FUT8: variants seen among roughly 807,000 people sequenced by gnomAD.
FUT8 encodes fucosyltransferase 8, also known as alpha-(1,6)-fucosyltransferase.
Under a neutral mutation model 71.3 loss-of-function variants are expected in FUT8, and 29 were observed. The observed-to-expected ratio is 0.41, with a 90% CI of 0.30 to 0.55. The LOEUF is 0.55. FUT8 is among the 20% of genes least tolerant of loss of function. The pLI, the probability that FUT8 is intolerant of heterozygous loss-of-function variation, is 0.34. For synonymous variants in FUT8, 254 were observed against 239.3 expected (o/e 1.06, Z -0.57); for missense variants, 544 against 702.1 (o/e 0.77, Z 2.55).
At chr14:65,433,213 T>A (rs1032396012) in intron 1 of FUT8, among the ~76,000 whole-genome samples, 1 of 148,130 alleles carries the variant, frequency 6.8e-6, no homozygotes, top group African/African-American at 2.6e-5. Flanking sequence ...TTCTGTTTCA[T>A]TTTTTTTTGA....
At chr14:65,727,151 G>T (rs1392202964) in intron 9 of FUT8, among the ~76,000 whole-genome samples, 1 of 152,164 alleles carries the variant, frequency 6.6e-6, no homozygotes, top group Non-Finnish European at 1.5e-5. Flanking sequence ...TTTTCCAGGT[G>T]CATGGTGCAA....
Position 65,513,644 on chromosome 14 carries a change from C to A in FUT8, c.-227-47693C>A, listed in dbSNP as rs117212804. On this transcript the variant is annotated intron_variant, in intron 2 of 10. Transcript: ENST00000673929. ...TCTCTGTAGAATATAAAAACAAAATCAAAAACAAAACAAAAAATCGATCAA... is the reference window on the plus strand; with the variant it reads ...TCTCTGTAGAATATAAAAACAAAATAAAAAACAAAACAAAAAATCGATCAA... Among the ~76,000 whole-genome samples, 875 of 80,158 alleles carry A rather than the reference C, an allele frequency of 0.011. 30 individuals carry two copies. The East Asian group carries it at 0.24, about 22-fold the overall frequency. The allele number at this position is 80,158 out of a possible 152,430, so 52.6% of individuals were successfully genotyped here.
intron 7 of FUT8, among the ~76,000 whole-genome samples, chr14:65,706,842 T>C (rs903210657): frequency 6.6e-6 from 1 of 152,136 alleles, no homozygotes; most frequent in Non-Finnish European, 1.5e-5. Flanking sequence ...GACCATAGCA[T>C]GGAGACAGAC....
chr14:65,528,559 C>T (rs898121428), intron 2 of FUT8, among the ~76,000 whole-genome samples: 1 of 152,196 alleles, frequency 6.6e-6, no homozygotes, highest in Non-Finnish European at 1.5e-5. Context: ...CACTGTCCTG[C>T]ATCCACTGTC....
intron 3 of FUT8, among the ~76,000 whole-genome samples, chr14:65,582,054 G>A (rs1239336515): frequency 2.6e-5 from 4 of 152,024 alleles, no homozygotes; most frequent in South Asian, 2.1e-4. Flanking sequence ...TTGCCTTTGC[G>A]GTATAGAAAA....
the FUT8 span, among the ~76,000 whole-genome samples, chr14:65,379,682 C>T: frequency 6.6e-6 from 1 of 152,148 alleles, no homozygotes; most frequent in Non-Finnish European, 1.5e-5. Flanking sequence ...TATTTTGAGT[C>T]TGTTTTTTGT....
intron 2 of FUT8, among the ~76,000 whole-genome samples, chr14:65,526,845 A>G (rs1883508305): frequency 6.6e-6 from 1 of 152,156 alleles, no homozygotes; most frequent in South Asian, 2.1e-4. Flanking sequence ...TGGATATGAA[A>G]TTCTGGGTTG....
At chr14:65,595,864 T>C (rs1280485100) in intron 3 of FUT8, among the ~76,000 whole-genome samples, 4 of 152,094 alleles carry the variant, frequency 2.6e-5, no homozygotes, top group Non-Finnish European at 5.9e-5. Flanking sequence ...CCACCTCAGC[T>C]TCCCAAAGTG....
intron 7 of FUT8, among the ~76,000 whole-genome samples, chr14:65,700,209 G>A (rs1894211328): frequency 1.3e-5 from 2 of 151,956 alleles, no homozygotes; most frequent in Admixed American, 1.3e-4. Flanking sequence ...TGACTTTGTA[G>A]GACATATGGT....
chr14:65,734,903 G>T (rs1896145290), intron 10 of FUT8, among the ~76,000 whole-genome samples: 1 of 152,104 alleles, frequency 6.6e-6, no homozygotes, highest in Non-Finnish European at 1.5e-5. Context: ...GCCGTATTCT[G>T]CATGTAGGAT....
rs1891922090 is a variant in FUT8 at position 65,660,792 on chromosome 14, T to TA, written c.598-8449dup. On this transcript the variant is annotated intron_variant, in intron 6 of 10. Coordinates refer to ENST00000673929, the MANE Select transcript of FUT8 (RefSeq NM_001371533.1). The surrounding 1 kb of genome is among the most constrained non-coding windows in gnomAD (Gnocchi z 4.1). ...TTTTAATTGCCTCTTTCATGGTTAT[T>TA]AACTGAGTCTTCATTTTAATTACCA... Among the ~76,000 whole-genome samples the TA allele has an allele frequency of 6.6e-6, 1 of 152,222 alleles. No individual in the cohort carries two copies.
chr14:65,480,632 C>A (rs1200171492), intron 2 of FUT8, among the ~76,000 whole-genome samples: 6 of 151,584 alleles, frequency 4.0e-5, no homozygotes, highest in African/African-American at 1.5e-4. Flanking sequence ...CTTTTTCAGA[C>A]ACCACTTTTG....
chr14:65,473,078 T>C (rs1003573442), intron 2 of FUT8, among the ~76,000 whole-genome samples: 3 of 152,146 alleles, frequency 2.0e-5, no homozygotes, highest in Admixed American at 2.0e-4. Context: ...TATATGTGCC[T>C]TTTAGTCCTT....
chr14:65,707,075 T>G (rs563994269), intron 7 of FUT8, among the ~76,000 whole-genome samples: 1 of 152,250 alleles, frequency 6.6e-6, no homozygotes, highest in East Asian at 1.9e-4. Context: ...CTTAAATTAT[T>G]TTTTAAAAAA....
At chr14:65,500,874 A>G (rs2066635207) in intron 2 of FUT8, among the ~76,000 whole-genome samples, 1 of 152,206 alleles carries the variant, frequency 6.6e-6, no homozygotes. Context: ...TATGTTTTTC[A>G]GGGTTAAAAT....
At chr14:65,501,093 A>T (rs1250239285) in intron 2 of FUT8, among the ~76,000 whole-genome samples, 1 of 152,190 alleles carries the variant, frequency 6.6e-6, no homozygotes, top group Non-Finnish European at 1.5e-5. Flanking sequence ...CCATCTAGCC[A>T]TGATGGCTCA....
At chr14:65,426,490 G>A (rs991895598) in intron 1 of FUT8, among the ~76,000 whole-genome samples, 10 of 152,060 alleles carry the variant, frequency 6.6e-5, no homozygotes, top group African/African-American at 2.4e-4. Flanking sequence ...ATACTGAATT[G>A]GACAAAGGAT....
At chr14:65,632,960 T>A (rs1427660414) in intron 6 of FUT8, among the ~76,000 whole-genome samples, 1 of 151,164 alleles carries the variant, frequency 6.6e-6, no homozygotes, top group Non-Finnish European at 1.5e-5. Context: ...CCGGCACCAT[T>A]TGTTGAAAAG....
chr14:65,567,170 G>GT (rs906650105), intron 3 of FUT8, among the ~76,000 whole-genome samples: 5 of 151,918 alleles, frequency 3.3e-5, no homozygotes, highest in African/African-American at 9.7e-5. Context: ...CCGATTAATA[G>GT]TTTTTTTGTT....
Sources: allele counts gnomAD v4.1 joint callset (sites outside exome capture counted in the v4.1 genomes callset), GRCh38; gene constraint gnomAD v4.1.1; non-coding constraint Gnocchi (gnomAD v3.1); transcripts MANE v1.5; gene names NCBI Gene and HGNC (gene_info 2026-07-23, HGNC 2026-07-21).